Variants in SLIT3 observed in about 807,000 individuals in gnomAD.
SLIT3 encodes slit homolog 3 protein.
In SLIT3, 68 loss-of-function variants were observed where a neutral mutation model predicts 184.0. The observed-to-expected ratio is 0.37, with a 90% confidence interval of 0.30 to 0.45. The LOEUF (loss-of-function observed/expected upper bound fraction) is 0.45, where lower values mean the gene tolerates loss of function less well. SLIT3 is among the 20% of genes least tolerant of loss of function. The pLI is 1.00. For missense variants in SLIT3, 1,707 were observed against 2,026.0 expected (o/e 0.84, Z 3.02); for synonymous variants, 831 against 828.6 (o/e 1.00, Z -0.05).
At chr5:168,918,661 G>GA (rs1475961975) in intron 4 of SLIT3, among the ~76,000 whole-genome samples, 4 of 152,172 alleles carry the variant, frequency 2.6e-5, no homozygotes, top group Admixed American at 6.5e-5. Flanking sequence ...AAGCATCAAT[G>GA]AGACAGTGCA....
At chr5:169,151,835 CT>C (rs1762127523) in intron 4 of SLIT3, among the ~76,000 whole-genome samples, 1 of 152,304 alleles carries the variant, frequency 6.6e-6, no homozygotes, top group South Asian at 2.1e-4. Flanking sequence ...CTGGTGAAGG[CT>C]TTGGAGATGC....
At chr5:169,162,520 C>A (rs577210711) in intron 4 of SLIT3, among the ~76,000 whole-genome samples, 51 of 152,256 alleles carry the variant, frequency 3.3e-4, no homozygotes, top group African/African-American at 1.2e-3. Context: ...CATGGGGACA[C>A]AAAGAAATGT....
chr5:169,065,641 G>C (rs1391936353), intron 4 of SLIT3, among the ~76,000 whole-genome samples: 1 of 152,180 alleles, frequency 6.6e-6, no homozygotes, highest in African/African-American at 2.4e-5. Flanking sequence ...CCCTCCCAAA[G>C]GCATCCTTGG....
At chr5:168,873,201 C>T (rs548448352) in intron 5 of SLIT3, among the ~76,000 whole-genome samples, 4 of 152,286 alleles carry the variant, frequency 2.6e-5, no homozygotes, top group African/African-American at 9.6e-5. Context: ...CCCGCTGTAG[C>T]CTTGCCATGA....
chr5:168,943,606 G>C (rs896538664), intron 4 of SLIT3, among the ~76,000 whole-genome samples: 1 of 152,188 alleles, frequency 6.6e-6, no homozygotes, highest in African/African-American at 2.4e-5. Context: ...TTATCCCAAA[G>C]CATTGCTGTG....
intron 32 of SLIT3, among the ~76,000 whole-genome samples, 181 bp downstream of exon 32, chr5:168,683,785 G>C (rs765677748): frequency 6.6e-6 from 1 of 151,992 alleles, no homozygotes; most frequent in Admixed American, 6.6e-5. Flanking sequence ...CCTCTGACAC[G>C]CCTTTCTCCC....
intron 4 of SLIT3, chr5:169,037,701 T>C (rs897056410): frequency 6.6e-6 from 1 of 152,224 alleles, no homozygotes; most frequent in African/African-American, 2.4e-5. Flanking sequence ...ACCGGGAGAT[T>C]AACCCGCCAG....
chr5:169,005,138 A>G (rs1755868187), intron 4 of SLIT3, among the ~76,000 whole-genome samples: 1 of 152,228 alleles, frequency 6.6e-6, no homozygotes, highest in Non-Finnish European at 1.5e-5. Flanking sequence ...TGTTTTTAAA[A>G]CATAATGCTG....
At chr5:169,167,567 C>T (rs900434147) in intron 4 of SLIT3, among the ~76,000 whole-genome samples, 17 of 152,056 alleles carry the variant, frequency 1.1e-4, no homozygotes, top group Non-Finnish European at 1.8e-4. Flanking sequence ...TGAGCCACCG[C>T]GCCCGGCCTC....
intron 4 of SLIT3, among the ~76,000 whole-genome samples, chr5:169,110,314 A>G (rs1219317325): frequency 6.6e-6 from 1 of 152,192 alleles, no homozygotes; most frequent in Admixed American, 6.5e-5. Context: ...ACCTAAGCCA[A>G]CTGTATGAGT....
chr5:168,817,389 G>A lies in SLIT3; in HGVS notation c.704C>T (p.Thr235Ile), dbSNP rs1581112366. 3.7e-6 allele frequency: 6 copies of A among 1,614,200 alleles called. No individual in the cohort carries two copies. In the East Asian group the frequency reaches 1.3e-4, roughly 36 times the overall value. Residue 235 changes from threonine (T) to isoleucine (I), a missense_variant, in exon 8 of 36, where the codon ACA becomes ATA. Transcript: ENST00000519560. ...WLSDWLRQRR[T>I]VGQFTLCMAP... is the part of the protein sequence containing the mutation. ...CATGCAGAGTGTGAACTGGCCAACT[G>A]TCCGTCGCTGTCGCAGCCAATCCGA... is the stretch of plus-strand genomic sequence containing the variant.
At chr5:168,994,161 G>C (rs944675054) in intron 4 of SLIT3, 1 of 152,210 alleles carries the variant, frequency 6.6e-6, no homozygotes, top group Non-Finnish European at 1.5e-5. Context: ...CAGCTGGGTG[G>C]CTCCTCGGAA....
chr5:169,083,402 G>A (rs755837166), intron 4 of SLIT3, among the ~76,000 whole-genome samples: 7 of 151,220 alleles, frequency 4.6e-5, no homozygotes, highest in Non-Finnish European at 7.4e-5. Context: ...GAAATGGGGC[G>A]TTAGGGGGTG....
intron 10 of SLIT3, chr5:168,790,124 C>A (rs1756312266): frequency 6.5e-6 from 1 of 154,522 alleles, no homozygotes; most frequent in Admixed American, 6.4e-5. Context: ...GTGACTTTTC[C>A]TCCCTGACCT....
chr5:169,002,708 G>A (rs775562194), intron 4 of SLIT3, among the ~76,000 whole-genome samples: 19 of 152,166 alleles, frequency 1.2e-4, no homozygotes, highest in South Asian at 2.1e-4. Flanking sequence ...ACATTTTTCC[G>A]TGTTTTTCTT....
chr5:169,000,052 C>T (rs1755649648), intron 4 of SLIT3, among the ~76,000 whole-genome samples: 1 of 152,086 alleles, frequency 6.6e-6, no homozygotes, highest in Non-Finnish European at 1.5e-5. Context: ...TCAACAAATA[C>T]TGCGATCATT....
chr5:168,998,064 T>C (rs574271193), intron 4 of SLIT3, among the ~76,000 whole-genome samples: 17 of 151,954 alleles, frequency 1.1e-4, no homozygotes, highest in Non-Finnish European at 2.4e-4. Context: ...AAGCTCTCAA[T>C]AATAAACTGT....
At chr5:168,670,015 A>T in intron 34 of SLIT3, 24 bp from the exon 35 acceptor site, 1 of 1,606,914 alleles carries the variant, frequency 6.2e-7, no homozygotes, top group Non-Finnish European at 8.5e-7. Context: ...GGAGGATGAG[A>T]AGGGAACTGG....
At chr5:169,132,510 G>T (rs2113319034) in intron 4 of SLIT3, among the ~76,000 whole-genome samples, 1 of 152,266 alleles carries the variant, frequency 6.6e-6, no homozygotes, top group South Asian at 2.1e-4. Context: ...AGATTTGCCT[G>T]GCACTCAAGG....
Sources: gnomAD v4.1 joint callset for allele counts (sites outside exome capture counted in the v4.1 genomes callset) on GRCh38, gnomAD v4.1.1 for gene constraint, MANE v1.5 for transcripts, NCBI Gene and HGNC (gene_info 2026-07-23, HGNC 2026-07-21) for gene names.